Variants in RPS23 observed in about 807,000 individuals in gnomAD.
RPS23 encodes small ribosomal subunit protein uS12.
For synonymous variants in RPS23, 66 were observed against 60.4 expected (o/e 1.09, Z -0.43); for missense variants, 73 against 174.5 (o/e 0.42, Z 3.28).
rs1561388081 is a variant in RPS23 at position 82,274,480 on chromosome 5, T to A, written c.*1629A>T. Reference sequence around the variant, plus strand: ...CTGCAAGCCATTGTTGAAGGTGTCTTGACGTATCAGAGAAGGCAGGTAACC... The same window carrying A: ...CTGCAAGCCATTGTTGAAGGTGTCTAGACGTATCAGAGAAGGCAGGTAACC... On this transcript the variant is annotated 3_prime_UTR_variant, in exon 4 of 4. Transcript: ENST00000296674. 1.3e-5 allele frequency: 2 copies of A among 152,416 alleles called. No homozygotes were observed. Among genetic ancestry groups the A allele is most frequent in the Admixed American group, 1.3e-4 (2 of 15,274 alleles). The allele number at this position is 152,416 out of a possible 1,614,324, so 9.4% of individuals were successfully genotyped here.
rs964188624 is a variant in RPS23, at chr5:82,274,925, G to C, written c.*1184C>G. On this transcript the variant is annotated 3_prime_UTR_variant, in exon 4 of 4. Coordinates refer to ENST00000296674, the MANE Select transcript of RPS23 (RefSeq NM_001025.5). The stretch of plus-strand genomic sequence containing the variant: ...TTAGTAAGAGCAGGCGACATGCAAG[G>C]AACCATAGTAACAGGAACAGAGGTC... The C allele has an allele frequency of 1.6e-5, 6 of 383,866 alleles. No individual in the cohort carries two copies. Among genetic ancestry groups the C allele is most frequent in the Non-Finnish European group, 2.9e-5 (6 of 209,982 alleles). The allele number at this position is 383,866 out of a possible 1,614,324, so 23.8% of individuals were successfully genotyped here.
At chr5:82,277,178 C>CAAAAAAAAAAAA in intron 2 of RPS23, among the ~76,000 whole-genome samples, 1 of 82,438 alleles carries the variant, frequency 1.2e-5, no homozygotes, top group Non-Finnish European at 2.2e-5. Context: ...TAGACTGTCT[C>CAAAAAAAAAAAA]AAAAAAAAAA....
chr5:82,276,339 T>C, intron 3 of RPS23, 59 bp downstream of exon 3: 1 of 1,612,782 alleles, frequency 6.2e-7, no homozygotes, highest in Non-Finnish European at 8.5e-7. Context: ...TTGCATCAGA[T>C]AAAAATGTGA....
At chr5:82,278,206 C>T in intron 1 of RPS23, 114 bp downstream of exon 1, 1 of 1,018,496 alleles carries the variant, frequency 9.8e-7, no homozygotes, top group Admixed American at 2.3e-5. Context: ...CCCGGCCCTC[C>T]CCCATGGAGC....
At position 82,275,427 on chromosome 5, in the gene RPS23, C is replaced by G. The variant is rs890813604; in HGVS notation, c.*682G>C. On this transcript the variant is annotated 3_prime_UTR_variant, in exon 4 of 4. Coordinates refer to ENST00000296674, the MANE Select transcript of RPS23 (RefSeq NM_001025.5). ...GACTAGTCTTTGAAGACATGAAGGT[C>G]TCTGACAACCTCATGAGAAGATACT... 14 of 634,246 alleles carry G rather than the reference C, an allele frequency of 2.2e-5. No homozygotes were observed. Among genetic ancestry groups the G allele is most frequent in the Non-Finnish European group, 3.7e-5 (13 of 355,758 alleles). The allele number at this position is 634,246 out of a possible 1,614,324, so 39.3% of individuals were successfully genotyped here. A position where few individuals can be genotyped will look rare whatever the true frequency, so the allele number is the denominator to read the frequency against.
Position 82,275,980 on chromosome 5 carries a change from G to C in RPS23, c.*129C>G. 1 of 863,004 alleles carries C rather than the reference G, an allele frequency of 1.2e-6. No individual in the cohort carries two copies. Among genetic ancestry groups the C allele is most frequent in the African/African-American group, 1.7e-5 (1 of 59,120 alleles). The allele number at this position is 863,004 out of a possible 1,614,324, so 53.5% of individuals were successfully genotyped here. A position where few individuals can be genotyped will look rare whatever the true frequency, so the allele number is the denominator to read the frequency against. On this transcript the variant is annotated 3_prime_UTR_variant, in exon 4 of 4. Transcript: ENST00000296674. ...ACAGGTCCTGCGTTTGCTGGTTTAGGATAAAAAAAATAAGGGGGGGTGGTG... is the reference window on the plus strand; with the variant it reads ...ACAGGTCCTGCGTTTGCTGGTTTAGCATAAAAAAAATAAGGGGGGGTGGTG...
At position 82,278,285 on chromosome 5, in the gene RPS23, C is replaced by T. The variant is rs1202272192; in HGVS notation, c.4+35G>A. 5.6e-6 allele frequency: 9 copies of T among 1,606,482 alleles called. No individual in the cohort carries two copies. In the South Asian group the frequency reaches 1.0e-4, roughly 18 times the overall value. ...CCCGTCCCCAAGACCCCAAGTCCCG[C>T]TTGCAGCGCCCTTAAACCGGCCACA... On this transcript the variant is annotated intron_variant, in intron 1 of 3. Coordinates refer to ENST00000296674, the MANE Select transcript of RPS23 (RefSeq NM_001025.5).
In RPS23 at chr5:82,277,905, C is replaced by T; in HGVS notation, c.5-53G>A. On this transcript the variant is annotated intron_variant, in intron 1 of 3. Coordinates refer to ENST00000296674, the MANE Select transcript of RPS23 (RefSeq NM_001025.5). ...GTAAAAACACGCCATCTACGTGTTT[C>T]CCATCTTCTAAGACACTCGCCTCAC... The T allele has an allele frequency of 3.3e-6, 5 of 1,494,972 alleles. No homozygotes were observed. In the South Asian group the frequency reaches 3.4e-5, roughly 10 times the overall value. 92.6% of individuals were successfully genotyped at this position (1,494,972 alleles called of 1,614,324 possible). A position where few individuals can be genotyped will look rare whatever the true frequency, so the allele number is the denominator to read the frequency against.
chr5:82,275,973 G>A lies in RPS23; in HGVS notation c.*136C>T. ...AATTGGTACAGGTCCTGCGTTTGCT[G>A]GTTTAGGATAAAAAAAATAAGGGGG... On this transcript the variant is annotated 3_prime_UTR_variant, in exon 4 of 4. Transcript: ENST00000296674. 3.8e-6 allele frequency: 3 copies of A among 794,918 alleles called. No individual in the cohort carries two copies. The highest frequency in any genetic ancestry group is 6.0e-6 in the Non-Finnish European group (3 of 496,814). The allele number at this position is 794,918 out of a possible 1,614,324, so 49.2% of individuals were successfully genotyped here. A position where few individuals can be genotyped will look rare whatever the true frequency, so the allele number is the denominator to read the frequency against.
rs1747740388 is a variant in RPS23 at position 82,274,963 on chromosome 5, A to G, written c.*1146T>C. ...AGGAACAGAGGTCCTGAGGCTGGAT[A>G]TGGAACCCAAGTTTGAGGATGACCA... On this transcript the variant is annotated 3_prime_UTR_variant, in exon 4 of 4. Transcript: ENST00000296674. 2.1e-6 allele frequency: 1 copy of G among 472,760 alleles called. No individual in the cohort carries two copies. The highest frequency in any genetic ancestry group is 3.8e-6 in the Non-Finnish European group (1 of 263,352). The allele number at this position is 472,760 out of a possible 1,614,324, so 29.3% of individuals were successfully genotyped here.
rs1305729490 is a variant in RPS23 at position 82,274,218 on chromosome 5, T to G, written c.*1891A>C. The G allele has an allele frequency of 6.6e-6, 1 of 152,126 alleles. No homozygotes were observed. The highest frequency in any genetic ancestry group is 1.5e-5 in the Non-Finnish European group (1 of 68,020). 9.4% of individuals were successfully genotyped at this position (152,126 alleles called of 1,614,324 possible). ...TGGATTCCCTATCTTATTTTATTGA[T>G]GTGTATTTTTGTCTCTCCTCCATGG... On this transcript the variant is annotated 3_prime_UTR_variant, in exon 4 of 4. Transcript: ENST00000296674.
Position 82,275,546 on chromosome 5 carries a change from TTAATG to T in RPS23, c.*558_*562del, listed in dbSNP as rs1747754500. ...CAATGCCTGTATTCTCCTAAACACA[TTAATG>T]TAGACACATTACAACACAGATCCTG... On this transcript the variant is annotated 3_prime_UTR_variant, in exon 4 of 4. Transcript: ENST00000296674. 1 of 559,080 alleles carries T rather than the reference TTAATG, an allele frequency of 1.8e-6. No homozygotes were observed. The highest frequency in any genetic ancestry group is 1.9e-5 in the African/African-American group (1 of 53,282). 34.6% of individuals were successfully genotyped at this position (559,080 alleles called of 1,614,324 possible). A position where few individuals can be genotyped will look rare whatever the true frequency, so the allele number is the denominator to read the frequency against.
At position 82,275,803 on chromosome 5, in the gene RPS23, G is replaced by T; in HGVS notation, c.*306C>A. 1 of 300,338 alleles carries T rather than the reference G, an allele frequency of 3.3e-6. No individual in the cohort carries two copies. Among genetic ancestry groups the T allele is most frequent in the Non-Finnish European group, 6.1e-6 (1 of 164,008 alleles). The allele number at this position is 300,338 out of a possible 1,614,324, so 18.6% of individuals were successfully genotyped here. A position where few individuals can be genotyped will look rare whatever the true frequency, so the allele number is the denominator to read the frequency against. ...AGTGAGTTTTTGAAGTTCCCTTAAA[G>T]TTCTTAAAGTAATACTACAATACTG... On this transcript the variant is annotated 3_prime_UTR_variant, in exon 4 of 4. Coordinates refer to ENST00000296674, the MANE Select transcript of RPS23 (RefSeq NM_001025.5).
Position 82,276,229 on chromosome 5 carries a change from T to C in RPS23, c.312A>G (p.Gly104=). Residue 104 remains glycine (G), a synonymous_variant, in exon 4 of 4, where the codon GGA becomes GGG. Transcript: ENST00000296674. ...CAACAGCATGACCTTTGCGACCAAA[T>C]CCAGCAACCAGAACTTCATCATTTT... The part of the protein sequence containing the change: ...IEENDEVLVA[G]FGRKGHAVGD... 1 of 1,613,188 alleles carries C rather than the reference T, an allele frequency of 6.2e-7. No individual in the cohort carries two copies.
intron 1 of RPS23, chr5:82,278,101 G>A: frequency 1.5e-6 from 1 of 674,100 alleles, no homozygotes; most frequent in Non-Finnish European, 2.5e-6. Flanking sequence ...GGAAGCGCTG[G>A]CCTCCCTGCG....
At chr5:82,278,234 C>T (rs1748005678) in intron 1 of RPS23, 86 bp downstream of exon 1, 3 of 1,407,582 alleles carry the variant, frequency 2.1e-6, no homozygotes, top group Non-Finnish European at 2.9e-6. Context: ...TGGCATCCCC[C>T]GCCCTACTCT....
rs1315713221 is a variant in RPS23 at position 82,274,596 on chromosome 5, TG to T, written c.*1512del. 5 of 152,798 alleles carry T rather than the reference TG, an allele frequency of 3.3e-5. No homozygotes were observed. In the East Asian group the frequency reaches 9.6e-4, roughly 29 times the overall value. The allele number at this position is 152,798 out of a possible 1,614,324, so 9.5% of individuals were successfully genotyped here. On this transcript the variant is annotated 3_prime_UTR_variant, in exon 4 of 4. Coordinates refer to ENST00000296674, the MANE Select transcript of RPS23 (RefSeq NM_001025.5). ...AAGGGCCCCACCGCCCGGGGAGAGCTGCCCACCCCGCGCCTGACGCCCAGGG... is the reference window on the plus strand; with the variant it reads ...AAGGGCCCCACCGCCCGGGGAGAGCTCCCACCCCGCGCCTGACGCCCAGGG...
chr5:82,275,180 G>T lies in RPS23; in HGVS notation c.*929C>A. ...CCTAAACAATGTAAAGCTAGGCTTTGATCAAAGGGCTAATTAACCCATACT... is the reference window on the plus strand; with the variant it reads ...CCTAAACAATGTAAAGCTAGGCTTTTATCAAAGGGCTAATTAACCCATACT... On this transcript the variant is annotated 3_prime_UTR_variant, in exon 4 of 4. Transcript: ENST00000296674. The T allele has an allele frequency of 1.4e-6, 1 of 701,444 alleles. No homozygotes were observed. The highest frequency in any genetic ancestry group is 1.5e-5 in the South Asian group (1 of 67,276). The allele number at this position is 701,444 out of a possible 1,614,324, so 43.5% of individuals were successfully genotyped here.
chr5:82,276,718 TAC>T (rs1747791410), intron 2 of RPS23, 200 bp from the exon 3 acceptor site: 2 of 653,504 alleles, frequency 3.1e-6, no homozygotes, highest in Non-Finnish European at 5.1e-6. Flanking sequence ...CTAGACCTTT[TAC>T]AGTTATAAAA....
Sources: allele counts gnomAD v4.1 joint callset (sites outside exome capture counted in the v4.1 genomes callset), GRCh38; gene constraint gnomAD v4.1.1; transcripts MANE v1.5; gene names NCBI Gene and HGNC (gene_info 2026-07-23, HGNC 2026-07-21).